CGNL1: variants seen among roughly 807,000 people sequenced by gnomAD.
The protein encoded by CGNL1 is cingulin-like protein 1.
In CGNL1, 132 loss-of-function variants were observed where a neutral mutation model predicts 141.2. The ratio of observed to expected loss-of-function variants is 0.93; its 90% CI spans 0.81 to 1.08. CGNL1 has a LOEUF of 1.08. Ranked by LOEUF, CGNL1 falls within the 50% of genes least tolerant of loss-of-function variation. The pLI is 0.00. For synonymous variants in CGNL1, 690 were observed against 622.1 expected, an observed-to-expected ratio of 1.11 and a Z score of -1.63; for missense variants, 1,870 against 1,588.6, an observed-to-expected ratio of 1.18 and a Z score of -3.01.
chr15:57,438,746 C>G lies in CGNL1; in HGVS notation c.747C>G (p.Ala249=). ...CCAAGGAGAGGGTGGGAGAGGAGGC[C>G]CTTTTCACTAGCGGGAGGCCCCTGA... The part of the protein sequence containing the change: ...SCTKERVGEE[A]LFTSGRPLTA... Residue 249 remains alanine, a synonymous_variant, in exon 2 of 19, where the codon GCC becomes GCG. Transcript: ENST00000281282. The G allele has an allele frequency of 6.2e-7, 1 of 1,614,122 alleles. No homozygotes were observed. Among genetic ancestry groups the G allele is most frequent in the Non-Finnish European group, 8.5e-7 (1 of 1,180,026 alleles).
intron 8 of CGNL1, among the ~76,000 whole-genome samples, chr15:57,463,614 G>A (rs1458112601): frequency 6.6e-6 from 1 of 152,210 alleles, no homozygotes; most frequent in Admixed American, 6.5e-5. Flanking sequence ...TTTCTATACT[G>A]CTGCCAGCAA....
In CGNL1 at chr15:57,421,977, T is replaced by G. The variant is rs1233942617; in HGVS notation, c.-15-16008T>G. Reference sequence around the variant, plus strand: ...CGTTATTCAGTGTTCTTGGCTTCTTTAGATTGATCATCATGTCTTCTGCCT... The same window carrying G: ...CGTTATTCAGTGTTCTTGGCTTCTTGAGATTGATCATCATGTCTTCTGCCT... On this transcript the variant is annotated intron_variant, in intron 1 of 18. Transcript: ENST00000281282. 4.6e-5 allele frequency among the ~76,000 whole-genome samples: 7 copies of G among 152,152 alleles called. No individual in the cohort carries two copies. The East Asian group carries it at 1.2e-3, about 25-fold the overall frequency.
At chr15:57,399,266 C>T (rs1402112641) in intron 1 of CGNL1, among the ~76,000 whole-genome samples, 1 of 152,174 alleles carries the variant, frequency 6.6e-6, no homozygotes, top group African/African-American at 2.4e-5. Context: ...TTTCTCCTAT[C>T]TAGCTGTAAC....
At position 57,526,795 on chromosome 15, in the gene CGNL1, G is replaced by T. The variant is rs184311897; in HGVS notation, c.3040-1859G>T. 1.2e-4 allele frequency among the ~76,000 whole-genome samples: 19 copies of T among 152,226 alleles called. No individual in the cohort carries two copies. The East Asian group carries it at 3.5e-3, about 28-fold the overall frequency. On this transcript the variant is annotated intron_variant, in intron 12 of 18. Transcript: ENST00000281282. ...CCTCGTCAAGGACTCTGAGTATGAT[G>T]GGGCCCTTACCGGGTGTTAGGAGGG... is the stretch of plus-strand genomic sequence containing the variant.
intron 1 of CGNL1, chr15:57,405,193 A>C (rs1306472496): frequency 6.6e-6 from 1 of 152,238 alleles, no homozygotes; most frequent in Non-Finnish European, 1.5e-5. Flanking sequence ...CACTTTCTAA[A>C]GTGTAAGGTG....
intron 8 of CGNL1, among the ~76,000 whole-genome samples, chr15:57,492,310 G>T (rs2063876622): frequency 6.6e-6 from 1 of 152,148 alleles, no homozygotes; most frequent in African/African-American, 2.4e-5. Context: ...GGCCTAACTT[G>T]ATTCATTTCC....
chr15:57,522,182 TA>T (rs1163491542), intron 10 of CGNL1, among the ~76,000 whole-genome samples: 1 of 152,196 alleles, frequency 6.6e-6, no homozygotes, highest in Non-Finnish European at 1.5e-5. Flanking sequence ...CAGCTTTTGT[TA>T]ACCTTGGTTC....
Position 57,547,215 on chromosome 15 carries a change from G to T in CGNL1, c.3774-140G>T, listed in dbSNP as rs1169427053. The T allele has an allele frequency of 5.4e-6, 5 of 924,618 alleles. No homozygotes were observed. In the Admixed American group the frequency reaches 9.2e-5, roughly 17 times the overall value. 57.3% of individuals were successfully genotyped at this position (924,618 alleles called of 1,614,324 possible). A position where few individuals can be genotyped will look rare whatever the true frequency, so the allele number is the denominator to read the frequency against. ...GTGGCTGAAGGGGCCATCAGGTGGA[G>T]ACCTGTTACATTCATGTGTTTCTTT... On this transcript the variant is annotated intron_variant, in intron 18 of 18. Transcript: ENST00000281282.
chr15:57,424,641 A>G (rs1195448902), intron 1 of CGNL1, among the ~76,000 whole-genome samples: 2 of 152,226 alleles, frequency 1.3e-5, no homozygotes, highest in Non-Finnish European at 2.9e-5. Flanking sequence ...TATTGTAAGT[A>G]TCATGAACTA....
chr15:57,392,509 A>C (rs1324871817), intron 1 of CGNL1, among the ~76,000 whole-genome samples: 2 of 152,258 alleles, frequency 1.3e-5, no homozygotes, highest in African/African-American at 2.4e-5. Context: ...CCAACCAAGC[A>C]GCTCAAGTCA....
intron 8 of CGNL1, among the ~76,000 whole-genome samples, chr15:57,462,976 C>G (rs185953534): frequency 3.7e-4 from 56 of 152,240 alleles, no homozygotes; most frequent in Admixed American, 8.5e-4. Flanking sequence ...CATTTCATTT[C>G]TGTGCACCAG....
intron 8 of CGNL1, among the ~76,000 whole-genome samples, chr15:57,462,723 G>A (rs1006236703): frequency 6.6e-6 from 1 of 152,208 alleles, no homozygotes; most frequent in Non-Finnish European, 1.5e-5. Context: ...GTGATTCACT[G>A]ATTTTCAATT....
chr15:57,448,638 ACT>A (rs1265164167), intron 4 of CGNL1, among the ~76,000 whole-genome samples: 2 of 151,594 alleles, frequency 1.3e-5, no homozygotes, highest in African/African-American at 4.8e-5. Flanking sequence ...ACAGAGCAAG[ACT>A]CTGTCTCAAA....
chr15:57,391,916 T>G (rs999453969), intron 1 of CGNL1, among the ~76,000 whole-genome samples: 1 of 152,030 alleles, frequency 6.6e-6, no homozygotes, highest in African/African-American at 2.4e-5. Flanking sequence ...CAAATCAGCA[T>G]GTATTCTGAG....
intron 8 of CGNL1, among the ~76,000 whole-genome samples, chr15:57,505,033 G>A (rs1467376121): frequency 6.6e-6 from 1 of 152,136 alleles, no homozygotes; most frequent in African/African-American, 2.4e-5. Flanking sequence ...TTTGAGGGAG[G>A]GGGTGGCATT....
At chr15:57,519,608 T>A (rs2031103078) in intron 10 of CGNL1, among the ~76,000 whole-genome samples, 1 of 152,188 alleles carries the variant, frequency 6.6e-6, no homozygotes, top group South Asian at 2.1e-4. Context: ...GGATTTTTTT[T>A]ATTTCTTTAA....
At position 57,518,303 on chromosome 15, in the gene CGNL1, G is replaced by C. The variant is rs1333568598; in HGVS notation, c.2611-90G>C. The C allele has an allele frequency of 6.6e-6, 6 of 912,636 alleles. No homozygotes were observed. In the South Asian group the frequency reaches 9.0e-5, roughly 14 times the overall value. 56.5% of individuals were successfully genotyped at this position (912,636 alleles called of 1,614,324 possible). On this transcript the variant is annotated intron_variant, in intron 9 of 18. Coordinates refer to ENST00000281282, the MANE Select transcript of CGNL1 (RefSeq NM_032866.5). ...GACCATAGCCACTGCCATATCTATG[G>C]GTGTCTTCGGTGTTCATTTAATTCC...
rs1191229057 is a variant in CGNL1 at position 57,438,115 on chromosome 15, C to T, written c.116C>T (p.Ser39Phe). The T allele has an allele frequency of 6.2e-7, 1 of 1,614,148 alleles. No individual in the cohort carries two copies. ...AGTTCCCAGAACTCCAAGGCAGGCT[C>T]CTACGGTGTCAGTATTCGGGTCCAG... ...SRSSQNSKAG[S>F]YGVSIRVQGI... Residue 39 changes from serine to phenylalanine, a missense_variant, in exon 2 of 19, where the codon TCC (serine) becomes TTC (phenylalanine). By Grantham distance (155) the Ser-to-Phe change is radical. Transcript: ENST00000281282.
intron 2 of CGNL1, 126 bp downstream of exon 2, chr15:57,439,727 T>C (rs2063161406): frequency 1.0e-6 from 1 of 971,828 alleles, no homozygotes; most frequent in Non-Finnish European, 1.5e-6. Flanking sequence ...ATCACACAGC[T>C]GATCTGTTTC....
Sources: allele counts gnomAD v4.1 joint callset (sites outside exome capture counted in the v4.1 genomes callset), GRCh38; gene constraint gnomAD v4.1.1; transcripts MANE v1.5; gene names NCBI Gene and HGNC (gene_info 2026-07-23, HGNC 2026-07-21).